WDFY4: variants seen among roughly 807,000 people sequenced by gnomAD.
The protein encoded by WDFY4 is WDFY family member 4, also known as WD repeat- and FYVE domain-containing protein 4.
Under a neutral mutation model 351.9 loss-of-function variants are expected in WDFY4, and 169 were observed. The ratio of observed to expected loss-of-function variants is 0.48; its 90% CI spans 0.42 to 0.55. The LOEUF (loss-of-function observed/expected upper bound fraction) is 0.55, where lower values mean the gene tolerates loss of function less well. Among genes scored for constraint, WDFY4 ranks in the 20% least tolerant of loss-of-function variants. The pLI, the probability that WDFY4 is intolerant of heterozygous loss-of-function variation, is 0.00. For synonymous variants in WDFY4, 1,622 were observed against 1,574.6 expected, an observed-to-expected ratio of 1.03 and a Z score of -0.71; for missense variants, 3,803 against 3,935.6, an observed-to-expected ratio of 0.97 and a Z score of 0.90.
chr10:48,786,157 A>G (rs2066398344), intron 19 of WDFY4, among the ~76,000 whole-genome samples: 1 of 152,186 alleles, frequency 6.6e-6, no homozygotes, highest in Non-Finnish European at 1.5e-5. Context: ...TAGCCTACAC[A>G]AATAAAATTG....
chr10:48,895,648 T>C (rs1837039436), intron 44 of WDFY4, among the ~76,000 whole-genome samples: 1 of 152,268 alleles, frequency 6.6e-6, no homozygotes, highest in Non-Finnish European at 1.5e-5. Flanking sequence ...GTCCAGATGA[T>C]GAAAAGCTTC....
At chr10:48,807,731 AATT>A in intron 27 of WDFY4, 125 bp from the exon 28 acceptor site, 1 of 1,064,526 alleles carries the variant, frequency 9.4e-7, no homozygotes, top group Non-Finnish European at 1.3e-6. Flanking sequence ...AAAATGCCAA[AATT>A]TTGAGTCCCA....
intron 36 of WDFY4, 122 bp from the exon 37 acceptor site, chr10:48,828,656 G>GT (rs998125410): frequency 2.0e-5 from 12 of 606,950 alleles, no homozygotes; most frequent in East Asian, 9.7e-5. Flanking sequence ...GATTAGGCAA[G>GT]TTTTTTTCCA....
At chr10:48,875,581 A>G (rs144825217) in intron 42 of WDFY4, among the ~76,000 whole-genome samples, 187 of 152,226 alleles carry the variant, frequency 1.2e-3, no homozygotes, top group Non-Finnish European at 2.1e-3. Flanking sequence ...TGCCCAGATA[A>G]TGTTTGTAAT....
At chr10:48,841,452 G>A (rs2133121777) in intron 39 of WDFY4, among the ~76,000 whole-genome samples, 2 of 151,602 alleles carry the variant, frequency 1.3e-5, no homozygotes, top group Middle Eastern at 6.8e-3. Flanking sequence ...CTCTAGCTGA[G>A]CTTTCCCTTT....
chr10:48,908,069 A>G (rs895702342), intron 47 of WDFY4, among the ~76,000 whole-genome samples: 2 of 152,114 alleles, frequency 1.3e-5, no homozygotes, highest in Non-Finnish European at 1.5e-5. Flanking sequence ...GCCCCATTCC[A>G]TGTTCATCTT....
chr10:48,773,375 C>G (rs991690072), intron 13 of WDFY4, among the ~76,000 whole-genome samples: 1 of 152,176 alleles, frequency 6.6e-6, no homozygotes, highest in African/African-American at 2.4e-5. Flanking sequence ...GACATCTTAT[C>G]CAGCAACAAA....
intron 54 of WDFY4, among the ~76,000 whole-genome samples, chr10:48,965,423 C>A (rs370772126): frequency 6.6e-6 from 1 of 152,176 alleles, no homozygotes; most frequent in Non-Finnish European, 1.5e-5. Flanking sequence ...TCACCTTGAA[C>A]AAAGAAGAGT....
chr10:48,791,024 T>A, intron 23 of WDFY4, 107 bp downstream of exon 23: 1 of 1,376,894 alleles, frequency 7.3e-7, no homozygotes, highest in Non-Finnish European at 9.8e-7. Context: ...CAGGGTGACT[T>A]CTAGAGAAGG....
rs184062790 is a variant in WDFY4, at chr10:48,920,118, A to G, written c.7586+18255A>G. ...ATGTAACATACCATATTAACAGACTAAAAAGAAAAAAAAAAGATCTTATAA... is the reference window on the plus strand; with the variant it reads ...ATGTAACATACCATATTAACAGACTGAAAAGAAAAAAAAAAGATCTTATAA... On this transcript the variant is annotated intron_variant, in intron 47 of 61. Transcript: ENST00000325239. Among the ~76,000 whole-genome samples the G allele has an allele frequency of 1.5e-3, 196 of 133,130 alleles. 2 individuals carry two copies. Among genetic ancestry groups the G allele is most frequent in the African/African-American group, 5.2e-3 (193 of 37,130 alleles). 87.3% of individuals were successfully genotyped at this position (133,130 alleles called of 152,430 possible).
At chr10:48,900,990 G>C (rs1348260187) in intron 46 of WDFY4, among the ~76,000 whole-genome samples, 2 of 152,096 alleles carry the variant, frequency 1.3e-5, no homozygotes, top group Non-Finnish European at 2.9e-5. Context: ...GCTCCACATG[G>C]GCTGGAAGTT....
At chr10:48,981,292 C>T in intron 60 of WDFY4, 75 bp from the exon 61 acceptor site, 3 of 1,231,614 alleles carry the variant, frequency 2.4e-6, no homozygotes, top group Middle Eastern at 1.9e-4. Context: ...GTGTTTGCGG[C>T]CCCGTGTGCA....
Position 48,820,404 on chromosome 10 carries a change from C to T in WDFY4, c.5676C>T (p.Pro1892=). 1.3e-6 allele frequency: 2 copies of T among 1,551,540 alleles called. No individual in the cohort carries two copies. Among genetic ancestry groups the T allele is most frequent in the Non-Finnish European group, 8.7e-7 (1 of 1,146,966 alleles). Residue 1892 remains proline (P), a synonymous_variant, in exon 33 of 62, where the codon CCC becomes CCT. Coordinates refer to ENST00000325239, the MANE Select transcript of WDFY4 (RefSeq NM_001394531.1). ...LRELLLGASS[P]KQWLPLEVLL... is the part of the protein sequence containing the mutation. ...AGCTCCTGCTTGGAGCCTCCAGCCC[C>T]AAGCAGTGGCTGCCCCTGGAGGTGC...
At chr10:48,806,132 G>C (rs957954821) in intron 27 of WDFY4, 37 bp downstream of exon 27, 1 of 1,543,774 alleles carries the variant, frequency 6.5e-7, no homozygotes, top group Non-Finnish European at 8.8e-7. Context: ...GCAGTAGGAC[G>C]GCCCTCACGG....
chr10:48,900,420 C>A, intron 46 of WDFY4, 114 bp downstream of exon 46: 1 of 983,296 alleles, frequency 1.0e-6, no homozygotes, highest in Non-Finnish European at 1.5e-6. Flanking sequence ...CAGTGAACGC[C>A]ACTCAGGCTG....
intron 58 of WDFY4, 139 bp downstream of exon 58, chr10:48,975,180 G>A (rs765965437): frequency 1.3e-4 from 145 of 1,138,218 alleles, no homozygotes; most frequent in African/African-American, 1.0e-3. Flanking sequence ...TGGAACAGTC[G>A]CTGTAGATCT....
chr10:48,757,392 C>T (rs1401191356), intron 12 of WDFY4, among the ~76,000 whole-genome samples: 2 of 151,978 alleles, frequency 1.3e-5, no homozygotes, highest in Admixed American at 6.6e-5. Flanking sequence ...GAGTCATTTT[C>T]CTTGCTCTAA....
chr10:48,772,538 A>T (rs1011817891), intron 13 of WDFY4, among the ~76,000 whole-genome samples: 560 of 29,842 alleles, frequency 0.019, no homozygotes, highest in Middle Eastern at 0.067. Context: ...TTTTTTTTGC[A>T]TTTTCTTTTT....
chr10:48,966,661 G>A lies in WDFY4; in HGVS notation c.8572G>A (p.Val2858Ile), dbSNP rs754947566. The change falls in exon 55 of 62, where the codon GTC (valine) becomes ATC (isoleucine). Residue 2858 changes from valine (V) to isoleucine (I), a missense_variant. Val to Ile is a conservative substitution (Grantham distance 29). Around this residue, in one of 3 missense-constraint regions of WDFY4, gnomAD observed 3,054 missense variants for 3,148.6 expected, o/e 0.97. Transcript: ENST00000325239. ...YSLQSLRPSQ[V>I]TVKDMYLFSL... ...CCTGCAGTCGCTGAGGCCCTCCCAG[G>A]TCACGGTCAAAGGTGATTCCCTGGC... 81 of 1,551,472 alleles carry A rather than the reference G, an allele frequency of 5.2e-5. No individual in the cohort carries two copies. The South Asian group carries it at 9.4e-4, about 18-fold the overall frequency.
Sources: gnomAD v4.1 joint callset for allele counts (sites outside exome capture counted in the v4.1 genomes callset) on GRCh38, gnomAD v4.1.1 for gene constraint, gnomAD v4.1.1 regional missense constraint, MANE v1.5 for transcripts, NCBI Gene and HGNC (gene_info 2026-07-23, HGNC 2026-07-21) for gene names.